Variants in OPRD1 observed in about 807,000 individuals in gnomAD.
OPRD1 encodes delta-type opioid receptor.
Under a neutral mutation model 17.5 loss-of-function variants are expected in OPRD1, and 19 were observed. That is an observed-to-expected ratio of 1.09 (90% confidence interval 0.76 to 1.60). The LOEUF is 1.60. OPRD1 is among the 40% of genes most tolerant of loss of function. The pLI is 0.00. For missense variants in OPRD1, 483 were observed against 547.2 expected, an observed-to-expected ratio of 0.88 and a Z score of 1.17; for synonymous variants, 256 against 240.9, an observed-to-expected ratio of 1.06 and a Z score of -0.58.
chr1:28,835,465 G>A (rs1447873543), intron 1 of OPRD1, among the ~76,000 whole-genome samples: 1 of 152,190 alleles, frequency 6.6e-6, no homozygotes, highest in Non-Finnish European at 1.5e-5. Context: ...TCCTTCCTCA[G>A]GCTGTGCCAA....
At chr1:28,825,404 G>T (rs982572584) in intron 1 of OPRD1, among the ~76,000 whole-genome samples, 40 of 151,484 alleles carry the variant, frequency 2.6e-4, no homozygotes, top group Non-Finnish European at 2.9e-4. Context: ...TCTTTTTTTT[G>T]AGACAGAGTC....
chr1:28,840,024 A>G (rs2088883127), intron 1 of OPRD1, among the ~76,000 whole-genome samples: 2 of 152,174 alleles, frequency 1.3e-5, no homozygotes, highest in Non-Finnish European at 2.9e-5. Flanking sequence ...TTCCTCCAGT[A>G]AGCGCTGTGT....
At chr1:28,843,660 G>A (rs898262680) in intron 1 of OPRD1, among the ~76,000 whole-genome samples, 3 of 151,940 alleles carry the variant, frequency 2.0e-5, no homozygotes, top group Non-Finnish European at 2.9e-5. Flanking sequence ...TTGCTCTGTC[G>A]CCCATGCTGG....
Position 28,863,374 on chromosome 1 carries a change from G to C in OPRD1, c.*91G>C. ...AGGCGCGAGCCATGATGTGGAGTGG[G>C]GCAGTAGAAGGTCGGAGGCTTGGGA... On this transcript the variant is annotated 3_prime_UTR_variant, in exon 3 of 3. Transcript: ENST00000234961. 1 of 1,335,650 alleles carries C rather than the reference G, an allele frequency of 7.5e-7. No individual in the cohort carries two copies. Among genetic ancestry groups the C allele is most frequent in the Non-Finnish European group, 9.7e-7 (1 of 1,032,974 alleles). The allele number at this position is 1,335,650 out of a possible 1,614,324, so 82.7% of individuals were successfully genotyped here.
Position 28,858,962 on chromosome 1 carries a change from A to G in OPRD1, c.236A>G (p.Lys79Arg), listed in dbSNP as rs755623365. 1 of 1,609,716 alleles carries G rather than the reference A, an allele frequency of 6.2e-7. No individual in the cohort carries two copies. Among genetic ancestry groups the G allele is most frequent in the South Asian group, 1.1e-5 (1 of 91,086 alleles). Residue 79 changes from lysine (K) to arginine (R), a missense_variant, in exon 2 of 3, where the codon AAG becomes AGG. By Grantham distance (26) the Lys-to-Arg change is conservative. Coordinates refer to ENST00000234961, the MANE Select transcript of OPRD1 (RefSeq NM_000911.4). ...ATGCATTTCTTTCTAAGGTACACTAAGATGAAGACGGCCACCAACATCTAC... is the reference window on the plus strand; with the variant it reads ...ATGCATTTCTTTCTAAGGTACACTAGGATGAAGACGGCCACCAACATCTAC... ...LVMFGIVRYT[K>R]MKTATNIYIF... is the part of the protein sequence containing the mutation.
intron 1 of OPRD1, among the ~76,000 whole-genome samples, chr1:28,834,397 T>G (rs545516): frequency 1.0e-4 from 13 of 126,724 alleles, no homozygotes; most frequent in African/African-American, 4.2e-4. Context: ...TTTTTTTTTT[T>G]TGAGATAGAG....
rs1003635860 is a variant in OPRD1 at position 28,832,304 on chromosome 1, G to A, written c.227+19694G>A. Among the ~76,000 whole-genome samples, 8 of 152,280 alleles carry A rather than the reference G, an allele frequency of 5.3e-5. No homozygotes were observed. In the South Asian group the frequency reaches 1.7e-3, roughly 32 times the overall value. Reference sequence around the variant, plus strand: ...GAAGCTCTTTTGGGTCCCAGGCAGAGAGATGGCATAAGAAGTAAAGGCCAA... The same window carrying A: ...GAAGCTCTTTTGGGTCCCAGGCAGAAAGATGGCATAAGAAGTAAAGGCCAA... On this transcript the variant is annotated intron_variant, in intron 1 of 2. Transcript: ENST00000234961.
intron 2 of OPRD1, among the ~76,000 whole-genome samples, chr1:28,862,530 G>A (rs1411089332): frequency 6.6e-6 from 1 of 152,206 alleles, no homozygotes; most frequent in Non-Finnish European, 1.5e-5. Context: ...TCCCTGATGA[G>A]GGCCAATCCT....
chr1:28,862,451 A>G (rs2089131860), intron 2 of OPRD1, among the ~76,000 whole-genome samples: 1 of 152,206 alleles, frequency 6.6e-6, no homozygotes, highest in Non-Finnish European at 1.5e-5. Context: ...GGGCTGAGCT[A>G]AACGATTTCA....
At position 28,812,405 on chromosome 1, in the gene OPRD1, G is replaced by A. The variant is rs1357648878; in HGVS notation, c.22G>A (p.Gly8Ser). 3.5e-6 allele frequency: 5 copies of A among 1,443,840 alleles called. No individual in the cohort carries two copies. The East Asian group carries it at 1.2e-4, about 34-fold the overall frequency. The allele number at this position is 1,443,840 out of a possible 1,614,324, so 89.4% of individuals were successfully genotyped here. Residue 8 changes from glycine to serine, a missense_variant, in exon 1 of 3, where the codon GGC becomes AGC. Coordinates refer to ENST00000234961, the MANE Select transcript of OPRD1 (RefSeq NM_000911.4). MEPAPSA[G>S]AELQPPLFAN... ...AGCCATGGAACCGGCCCCCTCCGCC[G>A]GCGCCGAGCTGCAGCCCCCGCTCTT...
chr1:28,870,726 A>G lies in OPRD1; in HGVS notation c.*7443A>G, dbSNP rs2089209936. On this transcript the variant is annotated 3_prime_UTR_variant, in exon 3 of 3. Coordinates refer to ENST00000234961, the MANE Select transcript of OPRD1 (RefSeq NM_000911.4). ...CCTCACCAGGACTGCCCTCTCAGGG[A>G]CCCAAGAGGAAGGGACAGCCTGGAA... The G allele has an allele frequency of 6.6e-6, 1 of 152,224 alleles. No homozygotes were observed. Among genetic ancestry groups the G allele is most frequent in the Non-Finnish European group, 1.5e-5 (1 of 68,064 alleles). 9.4% of individuals were successfully genotyped at this position (152,224 alleles called of 1,614,324 possible). A position where few individuals can be genotyped will look rare whatever the true frequency, so the allele number is the denominator to read the frequency against.
intron 1 of OPRD1, among the ~76,000 whole-genome samples, chr1:28,855,539 G>A (rs541875247): frequency 6.6e-6 from 1 of 152,238 alleles, no homozygotes; most frequent in Non-Finnish European, 1.5e-5. Context: ...GACGGGGCGT[G>A]GCTGTGGGTG....
At chr1:28,849,875 CT>C (rs34907861) in intron 1 of OPRD1, among the ~76,000 whole-genome samples, 20,441 of 118,018 alleles carry the variant, frequency 0.17, 812 homozygotes, top group Admixed American at 0.2. Context: ...GAGAGTCAAA[CT>C]TTTTTTTTTT....
chr1:28,850,084 G>A (rs1346800432), intron 1 of OPRD1, among the ~76,000 whole-genome samples: 1 of 152,020 alleles, frequency 6.6e-6, no homozygotes, highest in Non-Finnish European at 1.5e-5. Flanking sequence ...GTTTCACTGT[G>A]TTAGTCAGGA....
At chr1:28,843,359 C>T (rs1397818182) in intron 1 of OPRD1, among the ~76,000 whole-genome samples, 3 of 152,190 alleles carry the variant, frequency 2.0e-5, no homozygotes, top group South Asian at 2.1e-4. Context: ...CACTGTTATG[C>T]AGCCATCACA....
At chr1:28,855,845 C>G (rs928666822) in intron 1 of OPRD1, among the ~76,000 whole-genome samples, 2 of 152,212 alleles carry the variant, frequency 1.3e-5, no homozygotes, top group African/African-American at 4.8e-5. Flanking sequence ...CTGAGACTTG[C>G]AATTCTGCTG....
chr1:28,851,588 G>A (rs956682073), intron 1 of OPRD1, among the ~76,000 whole-genome samples: 11 of 152,106 alleles, frequency 7.2e-5, no homozygotes, highest in Non-Finnish European at 1.5e-4. Flanking sequence ...AAGTGGGGAG[G>A]AGGCCGGGCA....
At chr1:28,854,653 C>A (rs926122858) in intron 1 of OPRD1, among the ~76,000 whole-genome samples, 6 of 151,144 alleles carry the variant, frequency 4.0e-5, no homozygotes, top group Non-Finnish European at 8.8e-5. Context: ...CTCTTGTGAG[C>A]CTGCTTTTTT....
At chr1:28,862,427 G>A (rs962374941) in intron 2 of OPRD1, among the ~76,000 whole-genome samples, 1 of 152,180 alleles carries the variant, frequency 6.6e-6, no homozygotes, top group Middle Eastern at 3.2e-3. Flanking sequence ...TTACTGCAAT[G>A]ACTGGCATTC....
Sources: allele counts gnomAD v4.1 joint callset (sites outside exome capture counted in the v4.1 genomes callset), GRCh38; gene constraint gnomAD v4.1.1; transcripts MANE v1.5; gene names NCBI Gene and HGNC (gene_info 2026-07-23, HGNC 2026-07-21).